The following POLK variants were observed in gnomAD, a reference collection of about 807,000 sequenced individuals.
POLK encodes the protein polymerase (DNA directed) kappa.
Under a neutral mutation model 94.0 loss-of-function variants are expected in POLK, and 76 were observed. The ratio of observed to expected loss-of-function variants is 0.81; its 90% CI spans 0.67 to 0.98. The LOEUF (loss-of-function observed/expected upper bound fraction) is 0.98, where lower values mean the gene tolerates loss of function less well. Among genes scored for constraint, POLK ranks in the 50% least tolerant of loss-of-function variants. POLK has a pLI of 0.00. For synonymous variants in POLK, 349 were observed against 325.4 expected (o/e 1.07, Z -0.78); for missense variants, 954 against 1,010.1 (o/e 0.94, Z 0.75).
intron 2 of POLK, among the ~76,000 whole-genome samples, chr5:75,548,072 G>A (rs1462355061): frequency 3.3e-5 from 5 of 152,012 alleles, no homozygotes; most frequent in African/African-American, 1.2e-4. Context: ...ATAGGCACAT[G>A]CCACCAAGCC....
exon 9 of POLK, chr5:75,584,793 T>G: frequency 1.3e-6 from 2 of 1,574,950 alleles, no homozygotes. Flanking sequence ...AGAGAAAATG[T>G]TAAAGGCCCT....
At chr5:75,595,270 A>AAAAAAAAAAAAAAAAAC in intron 12 of POLK, among the ~76,000 whole-genome samples, 1 of 149,132 alleles carries the variant, frequency 6.7e-6, no homozygotes, top group Non-Finnish European at 1.5e-5. Flanking sequence ...AAAAAAAAAA[A>AAAAAAAAAAAAAAAAAC]AAAGCCCAAG....
chr5:75,608,327 A>G, the POLK span, among the ~76,000 whole-genome samples: 2 of 151,948 alleles, frequency 1.3e-5, no homozygotes, highest in Non-Finnish European at 2.9e-5. Context: ...CCAAGTAGCT[A>G]AGACTACAGG....
At chr5:75,546,356 A>G (rs552919390) in intron 1 of POLK, among the ~76,000 whole-genome samples, 4 of 152,306 alleles carry the variant, frequency 2.6e-5, no homozygotes, top group African/African-American at 9.6e-5. Context: ...TGAATAAACT[A>G]AGGAGGAGAA....
Position 75,548,209 on chromosome 5 carries a change from A to G in POLK, c.135+1052A>G, listed in dbSNP as rs188707795. The stretch of plus-strand genomic sequence containing the variant: ...AGTGCTGGGATTATAGGCATGAGCT[A>G]CTGTGCCTGGAGCTCTTTTGATATT... On this transcript the variant is annotated intron_variant, in intron 2 of 14. Coordinates refer to ENST00000241436, the Ensembl canonical transcript of POLK. 1.6e-4 allele frequency among the ~76,000 whole-genome samples: 25 copies of G among 152,296 alleles called. No homozygotes were observed. In the East Asian group the frequency reaches 4.8e-3, roughly 29 times the overall value.
At position 75,576,937 on chromosome 5, in the gene POLK, A is replaced by G. The variant is rs1350178496; in HGVS notation, c.694+4A>G. 2 of 1,534,870 alleles carry G rather than the reference A, an allele frequency of 1.3e-6. No individual in the cohort carries two copies. The highest frequency in any genetic ancestry group is 1.7e-6 in the Non-Finnish European group (2 of 1,145,256). ...ATGGGAAGCTCTGTAGAAAATGGTA[A>G]GCAACTTATTAAGACTATCAAACCA... On this transcript the variant is annotated splice_donor_region_variant and intron_variant, in intron 6 of 14. Coordinates refer to ENST00000241436, the Ensembl canonical transcript of POLK.
intron 8 of POLK, among the ~76,000 whole-genome samples, chr5:75,583,854 CA>C (rs1456425007): frequency 3.3e-5 from 5 of 152,072 alleles, no homozygotes; most frequent in African/African-American, 1.2e-4. Flanking sequence ...AATTATCCCT[CA>C]GGGGTTCCAG....
rs1768837084 is a variant in POLK at position 75,526,271 on chromosome 5, G to A, written c.-14+14357G>A. Among the ~76,000 whole-genome samples, 3 of 151,976 alleles carry A rather than the reference G, an allele frequency of 2.0e-5. No homozygotes were observed. The South Asian group carries it at 6.2e-4, about 31-fold the overall frequency. On this transcript the variant is annotated intron_variant, in intron 1 of 14. Coordinates refer to ENST00000241436, the Ensembl canonical transcript of POLK. ...AAGGGAAGAAACCACTGACAGTATT[G>A]TAAAAGAGAAATCACTTTTACTACT...
At chr5:75,553,960 T>C (rs5744618) in intron 3 of POLK, among the ~76,000 whole-genome samples, 4,934 of 152,244 alleles carry the variant, frequency 0.032, 267 homozygotes, top group African/African-American at 0.11. Context: ...ATCATATTGT[T>C]CCATCATCCC....
At chr5:75,573,103 G>A (rs1340921536) in intron 4 of POLK, among the ~76,000 whole-genome samples, 1 of 152,060 alleles carries the variant, frequency 6.6e-6, no homozygotes, top group African/African-American at 2.4e-5. Flanking sequence ...GCAAAGACTT[G>A]GAACCAACCC....
At chr5:75,608,660 G>A in the POLK span, among the ~76,000 whole-genome samples, 4 of 152,178 alleles carry the variant, frequency 2.6e-5, no homozygotes, top group Admixed American at 6.5e-5. Context: ...AAGATGATCC[G>A]AGAAGGCTCC....
intron 1 of POLK, among the ~76,000 whole-genome samples, chr5:75,534,656 T>A (rs927346150): frequency 6.6e-6 from 1 of 152,248 alleles, no homozygotes; most frequent in African/African-American, 2.4e-5. Context: ...TATGCACTCC[T>A]ATGTTGAGTG....
At chr5:75,545,636 C>T (rs1769975213) in intron 1 of POLK, among the ~76,000 whole-genome samples, 1 of 151,882 alleles carries the variant, frequency 6.6e-6, no homozygotes. Context: ...TTTTTCTTAA[C>T]CTTAGAGATG....
chr5:75,566,309 G>A (rs920527665), intron 3 of POLK, among the ~76,000 whole-genome samples: 2 of 152,314 alleles, frequency 1.3e-5, no homozygotes, highest in South Asian at 4.1e-4. Flanking sequence ...GGCTCCGTGG[G>A]CGTGGGATCC....
chr5:75,607,205 G>A, the POLK span, among the ~76,000 whole-genome samples: 7 of 152,214 alleles, frequency 4.6e-5, no homozygotes, highest in South Asian at 4.2e-4. Context: ...GGTGTCTCAC[G>A]CCTGTAATCT....
chr5:75,584,721 T>TATCTAATAGA (rs1772373628), intron 8 of POLK, 39 bp from the exon 9 acceptor site: 1 of 1,221,014 alleles, frequency 8.2e-7, no homozygotes, highest in East Asian at 2.6e-5. Flanking sequence ...TTAGCTTCAC[T>TATCTAATAGA]TTAAAATCTA....
At chr5:75,514,626 A>C (rs1301870421) in intron 1 of POLK, among the ~76,000 whole-genome samples, 1 of 152,248 alleles carries the variant, frequency 6.6e-6, no homozygotes, top group Non-Finnish European at 1.5e-5. Context: ...GATCATCGCT[A>C]GTGAATAGTC....
chr5:75,581,616 T>C, intron 7 of POLK, 168 bp downstream of exon 7: 1 of 598,374 alleles, frequency 1.7e-6, no homozygotes, highest in African/African-American at 1.9e-5. Context: ...GTGAACCTAG[T>C]AAGTAAATTG....
exon 13 of POLK, chr5:75,597,028 T>C (rs374624451): frequency 1.2e-6 from 2 of 1,613,856 alleles, no homozygotes; most frequent in African/African-American, 1.3e-5. Context: ...AGCTCTAGTT[T>C]GTCCTGTTTG....
Sources: gnomAD v4.1 joint callset for allele counts (sites outside exome capture counted in the v4.1 genomes callset) on GRCh38, gnomAD v4.1.1 for gene constraint, MANE v1.5 for transcripts, NCBI Gene and HGNC (gene_info 2026-07-23, HGNC 2026-07-21) for gene names.